The following VASP variants were observed in gnomAD, a reference collection of about 807,000 sequenced individuals.
VASP encodes the protein vasodilator-stimulated phosphoprotein.
A neutral mutation model predicts 54.4 loss-of-function variants in VASP; 27 were observed. That is an observed-to-expected ratio of 0.50 (90% CI 0.37 to 0.68). The LOEUF is 0.68. Among genes scored for constraint, VASP ranks in the 30% least tolerant of loss-of-function variants. VASP has a pLI of 0.00. For missense variants in VASP, 488 were observed against 528.3 expected (o/e 0.92, Z 0.75); for synonymous variants, 233 against 209.8 (o/e 1.11, Z -0.96).
chr19:45,512,133 A>G (rs1428008803), intron 1 of VASP, among the ~76,000 whole-genome samples: 3 of 150,802 alleles, frequency 2.0e-5, no homozygotes, highest in African/African-American at 7.5e-5. Flanking sequence ...GTGCAGAGTG[A>G]GAGACTCTGT....
rs1354345481 is a variant in VASP at position 45,522,414 on chromosome 19, C to A, written c.553C>A (p.Pro185Thr). 6 of 1,530,484 alleles carry A rather than the reference C, an allele frequency of 3.9e-6. No homozygotes were observed. The East Asian group carries it at 9.8e-5, about 25-fold the overall frequency. The allele number at this position is 1,530,484 out of a possible 1,614,324, so 94.8% of individuals were successfully genotyped here. A position where few individuals can be genotyped will look rare whatever the true frequency, so the allele number is the denominator to read the frequency against. ...GPPPPPGPPP[P>T]PGLPPSGVPA... ...TCCCCCTCCTCCAGGTCCCCCCCCA[C>A]CCCCAGGTTTGCCCCCTTCGGGGGT... Residue 185 changes from proline (P) to threonine (T), a missense_variant, in exon 6 of 13, where the codon CCC becomes ACC. Physicochemically the swap from Pro to Thr is conservative, Grantham distance 38. This residue lies in a region of VASP where 226 missense variants were observed against 196.0 expected (regional missense o/e 1.15). Transcript: ENST00000245932.
chr19:45,509,352 G>T (rs1440976792), intron 1 of VASP, among the ~76,000 whole-genome samples: 1 of 151,922 alleles, frequency 6.6e-6, no homozygotes, highest in Non-Finnish European at 1.5e-5. Flanking sequence ...TCTTCCTCCG[G>T]GACTCTTCTC....
Position 45,523,711 on chromosome 19 carries a change from T to C in VASP, c.873+16T>C. On this transcript the variant is annotated intron_variant, in intron 8 of 12. Coordinates refer to ENST00000245932, the MANE Select transcript of VASP (RefSeq NM_003370.4). Reference sequence around the variant, plus strand: ...ATCTGCCAATGTAAGTCAGGGACTCTTCTTGCCCTACATCTCTTAGGCCGT... The same window carrying C: ...ATCTGCCAATGTAAGTCAGGGACTCCTCTTGCCCTACATCTCTTAGGCCGT... The C allele has an allele frequency of 6.2e-7, 1 of 1,614,070 alleles. No homozygotes were observed. Among genetic ancestry groups the C allele is most frequent in the Non-Finnish European group, 8.5e-7 (1 of 1,179,968 alleles).
At position 45,524,670 on chromosome 19, in the gene VASP, G is replaced by C. The variant is rs761738291; in HGVS notation, c.1047+10G>C. The C allele has an allele frequency of 7.4e-6, 12 of 1,612,846 alleles. No homozygotes were observed. The East Asian group carries it at 1.1e-4, about 15-fold the overall frequency. ...ACAGAGGGTGAAACAGGTAACTTGG[G>C]GGGGAAGTTGGGGACCACAGCAAGA... On this transcript the variant is annotated intron_variant, in intron 11 of 12. Transcript: ENST00000245932.
At chr19:45,525,241 A>AC (rs746223525) in intron 11 of VASP, among the ~76,000 whole-genome samples, 22 of 151,444 alleles carry the variant, frequency 1.5e-4, no homozygotes, top group Middle Eastern at 3.4e-3. Flanking sequence ...ACATCGGGAG[A>AC]CCCCCATCTC....
intron 1 of VASP, among the ~76,000 whole-genome samples, chr19:45,515,505 C>T (rs187366065): frequency 2.6e-5 from 4 of 152,128 alleles, no homozygotes; most frequent in African/African-American, 7.2e-5. Flanking sequence ...ACTGAGCTCT[C>T]GGCGTGTGCT....
chr19:45,515,604 T>C, intron 1 of VASP, among the ~76,000 whole-genome samples: 1 of 152,120 alleles, frequency 6.6e-6, no homozygotes, highest in East Asian at 1.9e-4. Flanking sequence ...TGGCGTGATC[T>C]CAGCTCACTG....
intron 3 of VASP, among the ~76,000 whole-genome samples, chr19:45,521,082 C>T (rs556679291): frequency 3.3e-5 from 5 of 152,364 alleles, no homozygotes; most frequent in South Asian, 4.1e-4. Context: ...CGGGCCTTAG[C>T]TTCTCCTGTC....
intron 1 of VASP, among the ~76,000 whole-genome samples, chr19:45,515,813 C>G (rs1025274272): frequency 6.6e-6 from 1 of 152,160 alleles, no homozygotes; most frequent in Non-Finnish European, 1.5e-5. Context: ...GCTGTAATTA[C>G]AGGCGTGAGC....
intron 1 of VASP, among the ~76,000 whole-genome samples, chr19:45,510,898 A>C (rs919328764): frequency 6.2e-5 from 9 of 146,192 alleles, no homozygotes; most frequent in African/African-American, 2.1e-4. Flanking sequence ...TTGCCACTGC[A>C]CTCCAGCCTG....
intron 1 of VASP, among the ~76,000 whole-genome samples, chr19:45,508,939 T>C (rs1220460933): frequency 2.0e-5 from 3 of 152,124 alleles, no homozygotes; most frequent in Non-Finnish European, 2.9e-5. Context: ...TTCCCTCCCC[T>C]GGCCCCCCAT....
In VASP at chr19:45,526,741, A is replaced by G. The variant is rs981969473; in HGVS notation, c.*564A>G. ...GGTGAGATATCCCCCCACCCCAGGG[A>G]CTCCCCTTCCCTCTGGCTCCTTCCC... On this transcript the variant is annotated 3_prime_UTR_variant, in exon 13 of 13. Transcript: ENST00000245932. 2 of 151,236 alleles carry G rather than the reference A, an allele frequency of 1.3e-5. No homozygotes were observed. The highest frequency in any genetic ancestry group is 6.6e-5 in the Admixed American group (1 of 15,202). 9.4% of individuals were successfully genotyped at this position (151,236 alleles called of 1,614,324 possible).
intron 9 of VASP, 31 bp from the exon 10 acceptor site, chr19:45,524,066 C>T (rs761500791): frequency 8.7e-6 from 14 of 1,613,918 alleles, no homozygotes; most frequent in Non-Finnish European, 1.2e-5. Context: ...TCTTTTGTCC[C>T]TGATCTTTCT....
intron 3 of VASP, among the ~76,000 whole-genome samples, chr19:45,519,894 C>T (rs1372999204): frequency 7.8e-5 from 4 of 50,974 alleles, no homozygotes; most frequent in African/African-American, 2.9e-4. Flanking sequence ...TGCGCCCGGC[C>T]TTTTTTTTTT....
At chr19:45,512,706 T>A (rs1968624554) in intron 1 of VASP, among the ~76,000 whole-genome samples, 2 of 151,986 alleles carry the variant, frequency 1.3e-5, no homozygotes, top group South Asian at 4.1e-4. Context: ...TTCACGTGAT[T>A]CTCCTGCCTC....
Position 45,526,011 on chromosome 19 carries a change from G to A in VASP, c.1105+8G>A, listed in dbSNP as rs1027362265. The A allele has an allele frequency of 1.2e-6, 2 of 1,613,518 alleles. No individual in the cohort carries two copies. The highest frequency in any genetic ancestry group is 1.7e-5 in the Admixed American group (1 of 59,760). On this transcript the variant is annotated splice_region_variant and intron_variant, in intron 12 of 12. Coordinates refer to ENST00000245932, the MANE Select transcript of VASP (RefSeq NM_003370.4). Reference sequence around the variant, plus strand: ...AAGAGGAAATCATTGAAGGTGAGGTGGTTTGCTTTGGTTTTGTTCTTAAAC... The same window carrying A: ...AAGAGGAAATCATTGAAGGTGAGGTAGTTTGCTTTGGTTTTGTTCTTAAAC...
chr19:45,517,691 A>G lies in VASP; in HGVS notation c.34A>G (p.Thr12Ala), dbSNP rs913667502. Reference protein sequence around the residue: ...SETVICSSRATVMLYDDGNKR... With the variant: ...SETVICSSRAAVMLYDDGNKR... Reference sequence around the variant, plus strand: ...GACGGTCATCTGTTCCAGCCGGGCCACTGTGATGCTTTATGATGATGGCAA... The same window carrying G: ...GACGGTCATCTGTTCCAGCCGGGCCGCTGTGATGCTTTATGATGATGGCAA... Residue 12 changes from threonine (T) to alanine (A), a missense_variant, in exon 2 of 13, where the codon ACT becomes GCT. Physicochemically the swap from Thr to Ala is moderately conservative, Grantham distance 58 (BLOSUM62 0). Transcript: ENST00000245932. 6.2e-7 allele frequency: 1 copy of G among 1,611,122 alleles called. No homozygotes were observed. The highest frequency in any genetic ancestry group is 8.5e-7 in the Non-Finnish European group (1 of 1,179,972).
At chr19:45,514,326 C>T (rs373153612) in intron 1 of VASP, among the ~76,000 whole-genome samples, 13 of 152,184 alleles carry the variant, frequency 8.5e-5, no homozygotes, top group African/African-American at 2.2e-4. Flanking sequence ...GCATTGATTC[C>T]GTAGGAGCCT....
In VASP at chr19:45,522,550, T is replaced by C; in HGVS notation, c.689T>C (p.Ile230Thr). Residue 230 changes from isoleucine to threonine, a missense_variant, in exon 6 of 13, where the codon ATT (isoleucine) becomes ACT (threonine). Transcript: ENST00000245932. ...GAGAPGLAAA[I>T]AGAKLRKVSK... ...GGGGCCCCAGGCCTGGCCGCAGCTATTGCTGGAGCCAAACTCAGGAAAGTC... is the reference window on the plus strand; with the variant it reads ...GGGGCCCCAGGCCTGGCCGCAGCTACTGCTGGAGCCAAACTCAGGAAAGTC... 1 of 1,459,046 alleles carries C rather than the reference T, an allele frequency of 6.9e-7. No homozygotes were observed. The highest frequency in any genetic ancestry group is 9.0e-7 in the Non-Finnish European group (1 of 1,111,382). The allele number at this position is 1,459,046 out of a possible 1,614,324, so 90.4% of individuals were successfully genotyped here. A position where few individuals can be genotyped will look rare whatever the true frequency, so the allele number is the denominator to read the frequency against.
Sources: gnomAD v4.1 joint callset for allele counts (sites outside exome capture counted in the v4.1 genomes callset) on GRCh38, gnomAD v4.1.1 for gene constraint, gnomAD v4.1.1 regional missense constraint, MANE v1.5 for transcripts, NCBI Gene and HGNC (gene_info 2026-07-23, HGNC 2026-07-21) for gene names.